SLIT2: variants seen among roughly 807,000 people sequenced by gnomAD.
SLIT2 encodes the protein slit guidance ligand 2, also known as slit homolog 2 protein.
In SLIT2, 41 loss-of-function variants were observed where a neutral mutation model predicts 185.7. That is an observed-to-expected ratio of 0.22 (90% CI 0.17 to 0.29). The LOEUF is 0.29. SLIT2 is among the 10% of genes least tolerant of loss of function. The probability of loss-of-function intolerance (pLI) is 1.00; values close to 1 mark genes in which losing one functional copy is unlikely to be tolerated. For synonymous variants in SLIT2, 693 were observed against 680.2 expected (o/e 1.02, Z -0.29); for missense variants, 1,571 against 1,909.0 (o/e 0.82, Z 3.30).
At chr4:20,535,321 G>T (rs1402514595) in intron 18 of SLIT2, among the ~76,000 whole-genome samples, 3 of 151,884 alleles carry the variant, frequency 2.0e-5, no homozygotes, top group Non-Finnish European at 4.4e-5. Flanking sequence ...AGAAAAGAAA[G>T]ATACTGAGGA....
At chr4:20,442,545 G>GC (rs1449417546) in intron 4 of SLIT2, among the ~76,000 whole-genome samples, 2 of 98,040 alleles carry the variant, frequency 2.0e-5, no homozygotes, top group African/African-American at 1.0e-4. Flanking sequence ...AAAAAAAAAG[G>GC]GGGGGGAGGG....
intron 5 of SLIT2, among the ~76,000 whole-genome samples, chr4:20,480,358 ATTTACAGTCC>A (rs1359422317): frequency 1.3e-5 from 2 of 152,178 alleles, no homozygotes; most frequent in Non-Finnish European, 2.9e-5. Context: ...ACATTAAGTG[ATTTACAGTCC>A]TTTACCTTAA....
intron 4 of SLIT2, among the ~76,000 whole-genome samples, chr4:20,317,750 C>A (rs1238863297): frequency 6.6e-6 from 1 of 151,932 alleles, no homozygotes; most frequent in Non-Finnish European, 1.5e-5. Context: ...TAATGAGTTA[C>A]TACTACAAAG....
At chr4:20,255,170 G>T (rs898396707) in intron 1 of SLIT2, 2 of 397,052 alleles carry the variant, frequency 5.0e-6, no homozygotes, top group Admixed American at 3.1e-5. Flanking sequence ...TTCGTCCCGC[G>T]GCCTCTTTGC....
intron 4 of SLIT2, among the ~76,000 whole-genome samples, chr4:20,327,119 A>T (rs891942941): frequency 2.0e-5 from 3 of 151,946 alleles, no homozygotes; most frequent in Non-Finnish European, 2.9e-5. Context: ...ATTGAGGCAT[A>T]TGGCTTTAAT....
chr4:20,595,659 C>T, intron 30 of SLIT2, 38 bp from the exon 31 acceptor site: 1 of 1,607,494 alleles, frequency 6.2e-7, no homozygotes, highest in Non-Finnish European at 8.5e-7. Flanking sequence ...TATTTTGGCT[C>T]AGTTGGGTTT....
At chr4:20,344,289 A>G (rs1189827181) in intron 4 of SLIT2, among the ~76,000 whole-genome samples, 3 of 152,230 alleles carry the variant, frequency 2.0e-5, no homozygotes, top group Non-Finnish European at 1.5e-5. Flanking sequence ...TGTAAGTGCT[A>G]TAAAGAGAAA....
chr4:20,613,351 G>T (rs1259040507), intron 34 of SLIT2, among the ~76,000 whole-genome samples: 1 of 152,196 alleles, frequency 6.6e-6, no homozygotes, highest in East Asian at 1.9e-4. Context: ...GATGCCCTTG[G>T]CAGGAACATG....
intron 4 of SLIT2, among the ~76,000 whole-genome samples, chr4:20,407,366 C>T (rs1193806229): frequency 6.6e-6 from 1 of 152,112 alleles, no homozygotes; most frequent in African/African-American, 2.4e-5. Flanking sequence ...AACAGAAACA[C>T]CGGTCAATAT....
intron 4 of SLIT2, chr4:20,392,139 T>C (rs559541718): frequency 1.3e-5 from 2 of 152,010 alleles, no homozygotes; most frequent in Non-Finnish European, 2.9e-5. Flanking sequence ...AGAGGGTACT[T>C]ACACAAACCT....
chr4:20,342,566 A>C (rs1375075838), intron 4 of SLIT2, among the ~76,000 whole-genome samples: 7 of 152,130 alleles, frequency 4.6e-5, no homozygotes. Context: ...TAGAACTTTT[A>C]GCATAAATCT....
At chr4:20,614,205 G>C (rs565743893) in intron 34 of SLIT2, among the ~76,000 whole-genome samples, 12 of 152,082 alleles carry the variant, frequency 7.9e-5, no homozygotes, top group Non-Finnish European at 1.6e-4. Context: ...ATGTTTTTCT[G>C]TCTGTAGTCC....
chr4:20,555,533 C>G (rs1724172896), intron 26 of SLIT2, among the ~76,000 whole-genome samples: 1 of 152,030 alleles, frequency 6.6e-6, no homozygotes, highest in Non-Finnish European at 1.5e-5. Context: ...AACACAGAAA[C>G]ATTCAATATG....
intron 34 of SLIT2, among the ~76,000 whole-genome samples, chr4:20,614,670 G>T (rs1010498798): frequency 2.0e-5 from 3 of 151,752 alleles, no homozygotes; most frequent in Non-Finnish European, 4.4e-5. Flanking sequence ...CCAGCTTCTC[G>T]GGAGGCTGAA....
intron 1 of SLIT2, chr4:20,255,126 C>T (rs1050948316): frequency 2.2e-6 from 1 of 444,880 alleles, no homozygotes; most frequent in African/African-American, 2.0e-5. Flanking sequence ...GCGAAGGGCG[C>T]GGGGCTAGGC....
intron 5 of SLIT2, among the ~76,000 whole-genome samples, chr4:20,471,138 T>C (rs1714961042): frequency 6.6e-6 from 1 of 152,144 alleles, no homozygotes; most frequent in Non-Finnish European, 1.5e-5. Flanking sequence ...AATGAATGTA[T>C]AGGTTTATTT....
At chr4:20,387,970 TA>T (rs1404180962) in intron 4 of SLIT2, among the ~76,000 whole-genome samples, 2 of 151,036 alleles carry the variant, frequency 1.3e-5, no homozygotes, top group Non-Finnish European at 2.9e-5. Flanking sequence ...ATTAATAAAC[TA>T]AAAAACAAAA....
intron 4 of SLIT2, among the ~76,000 whole-genome samples, chr4:20,449,349 A>C (rs1485400108): frequency 6.6e-6 from 1 of 152,284 alleles, no homozygotes; most frequent in Non-Finnish European, 1.5e-5. Flanking sequence ...GAGACAATGT[A>C]TTGGTTTTGT....
chr4:20,599,090 A>C (rs1449478441), intron 33 of SLIT2, among the ~76,000 whole-genome samples: 2 of 152,184 alleles, frequency 1.3e-5, no homozygotes, highest in Non-Finnish European at 2.9e-5. Flanking sequence ...GCTTTAAGGA[A>C]CAAAGCCCCT....
Sources: allele counts gnomAD v4.1 joint callset (sites outside exome capture counted in the v4.1 genomes callset), GRCh38; gene constraint gnomAD v4.1.1; transcripts MANE v1.5; gene names NCBI Gene and HGNC (gene_info 2026-07-23, HGNC 2026-07-21).